HIVEP3: variants seen among roughly 807,000 people sequenced by gnomAD.
HIVEP3 encodes the protein transcription factor HIVEP3.
HIVEP3 carries 49 observed loss-of-function variants against 152.8 expected under a neutral mutation model. The ratio of observed to expected loss-of-function variants is 0.32; its 90% confidence interval spans 0.26 to 0.41. HIVEP3 has a LOEUF of 0.41. Ranked by LOEUF, HIVEP3 falls within the 10% of genes least tolerant of loss-of-function variation. The probability of loss-of-function intolerance (pLI) is 1.00; values close to 1 mark genes in which losing one functional copy is unlikely to be tolerated. For missense variants in HIVEP3, 2,790 were observed against 3,103.3 expected, an observed-to-expected ratio of 0.90 and a Z score of 2.40; for synonymous variants, 1,269 against 1,289.0, an observed-to-expected ratio of 0.98 and a Z score of 0.33.
intron 1 of HIVEP3, among the ~76,000 whole-genome samples, chr1:41,866,828 C>A (rs2124407445): frequency 6.6e-6 from 1 of 152,324 alleles, no homozygotes; most frequent in South Asian, 2.1e-4. Flanking sequence ...TGCTAAAGGT[C>A]ATTTACAGAT....
At chr1:41,814,081 C>G (rs1651120403) in intron 1 of HIVEP3, among the ~76,000 whole-genome samples, 1 of 152,206 alleles carries the variant, frequency 6.6e-6, no homozygotes, top group Admixed American at 6.5e-5. Context: ...CTTGGGCACT[C>G]TTATCTTGCT....
chr1:41,516,645 AC>A (rs966947857), intron 7 of HIVEP3, among the ~76,000 whole-genome samples: 118 of 151,940 alleles, frequency 7.8e-4, no homozygotes, highest in African/African-American at 2.6e-3. Context: ...GCTCCAGGGC[AC>A]CCCCCCATGC....
At chr1:41,576,279 C>T (rs949552237) in intron 4 of HIVEP3, among the ~76,000 whole-genome samples, 2 of 152,198 alleles carry the variant, frequency 1.3e-5, no homozygotes, top group Admixed American at 1.3e-4. Flanking sequence ...ACCAGCAGGA[C>T]GTCCCCAATT....
chr1:41,915,026 G>T (rs192001556), intron 1 of HIVEP3, among the ~76,000 whole-genome samples: 68 of 152,238 alleles, frequency 4.5e-4, no homozygotes, highest in African/African-American at 1.5e-3. Flanking sequence ...AATTTCAACA[G>T]CAGGGCTTTA....
intron 1 of HIVEP3, among the ~76,000 whole-genome samples, chr1:41,882,955 C>A (rs1318715389): frequency 1.3e-5 from 2 of 152,088 alleles, no homozygotes. Context: ...AACTGGCTTT[C>A]TGTCTAGAAA....
At chr1:42,018,351 T>G (rs1645535435) in intron 1 of HIVEP3, among the ~76,000 whole-genome samples, 1 of 151,756 alleles carries the variant, frequency 6.6e-6, no homozygotes, top group African/African-American at 2.4e-5. Flanking sequence ...TTTAAGAGCT[T>G]TATTGTCTTA....
At chr1:41,884,157 G>T (rs1644306321) in intron 1 of HIVEP3, among the ~76,000 whole-genome samples, 2 of 152,034 alleles carry the variant, frequency 1.3e-5, no homozygotes, top group South Asian at 4.1e-4. Flanking sequence ...GTAGAGATGG[G>T]GTTTCATCAC....
chr1:41,524,910 C>T lies in HIVEP3; in HGVS notation c.5208G>A (p.Gly1736=). The T allele has an allele frequency of 6.2e-7, 1 of 1,611,772 alleles. No individual in the cohort carries two copies. Residue 1736 remains glycine, a splice_region_variant and synonymous_variant, in exon 6 of 9, where the codon GGG becomes GGA. Coordinates refer to ENST00000372583, the MANE Select transcript of HIVEP3 (RefSeq NM_024503.5). ...EPARIKIFEG[G]YKSNEEYVYV... ...ATACATACTCTTCGTTTGATTTGTA[C>T]CTATGAGCAACAGGCGTCATAGTAA... is the stretch of plus-strand genomic sequence containing the variant.
intron 6 of HIVEP3, among the ~76,000 whole-genome samples, chr1:41,519,729 A>T (rs891822615): frequency 6.6e-6 from 1 of 152,202 alleles, no homozygotes; most frequent in Non-Finnish European, 1.5e-5. Context: ...AAAGTGGATA[A>T]AGGAAATATA....
At chr1:42,016,307 G>A (rs569270082) in intron 1 of HIVEP3, among the ~76,000 whole-genome samples, 9 of 152,164 alleles carry the variant, frequency 5.9e-5, no homozygotes, top group South Asian at 4.2e-4. Flanking sequence ...CCAGATAAAG[G>A]TGGACAGACA....
At chr1:41,773,362 A>G (rs1648495603) in intron 1 of HIVEP3, among the ~76,000 whole-genome samples, 1 of 152,208 alleles carries the variant, frequency 6.6e-6, no homozygotes, top group Non-Finnish European at 1.5e-5. Flanking sequence ...GTGAATAAAA[A>G]CATCACACAG....
At chr1:41,950,309 G>GCAAAA (rs201599847) in intron 1 of HIVEP3, among the ~76,000 whole-genome samples, 1,657 of 151,722 alleles carry the variant, frequency 0.011, 32 homozygotes, top group African/African-American at 0.038. Context: ...TCTTGCAACT[G>GCAAAA]CAAAACAAAA....
intron 1 of HIVEP3, among the ~76,000 whole-genome samples, chr1:41,999,584 T>C (rs1355716566): frequency 6.6e-6 from 1 of 151,860 alleles, no homozygotes; most frequent in Non-Finnish European, 1.5e-5. Flanking sequence ...ACACTACAAA[T>C]TGAGATAAAT....
chr1:41,685,162 G>A lies in HIVEP3; in HGVS notation c.-721+15754C>T, dbSNP rs575365765. Among the ~76,000 whole-genome samples the A allele has an allele frequency of 1.3e-4, 20 of 152,294 alleles. No individual in the cohort carries two copies. In the East Asian group the frequency reaches 2.1e-3, roughly 16 times the overall value. On this transcript the variant is annotated intron_variant, in intron 2 of 8. Coordinates refer to ENST00000372583, the MANE Select transcript of HIVEP3 (RefSeq NM_024503.5). ...TTCTTGGAGGAACACACAAGAGGACGGATGTGATGGTGTTTTGCAAACTGT... is the reference window on the plus strand; with the variant it reads ...TTCTTGGAGGAACACACAAGAGGACAGATGTGATGGTGTTTTGCAAACTGT...
chr1:41,540,094 C>T (rs1643491228), intron 5 of HIVEP3, among the ~76,000 whole-genome samples: 1 of 152,180 alleles, frequency 6.6e-6, no homozygotes, highest in African/African-American at 2.4e-5. Flanking sequence ...GTGGGACCTG[C>T]GGAGCTGCAG....
intron 1 of HIVEP3, among the ~76,000 whole-genome samples, chr1:41,774,359 G>A (rs1342879474): frequency 6.6e-6 from 1 of 152,214 alleles, no homozygotes; most frequent in Non-Finnish European, 1.5e-5. Context: ...GCTGACTGAT[G>A]CACTGGGAAG....
chr1:41,720,974 C>A (rs753445800), intron 1 of HIVEP3, among the ~76,000 whole-genome samples: 3 of 152,118 alleles, frequency 2.0e-5, no homozygotes, highest in Admixed American at 6.5e-5. Flanking sequence ...TCCACTTAGA[C>A]GTAGTGTCTA....
intron 2 of HIVEP3, among the ~76,000 whole-genome samples, chr1:41,635,076 G>T (rs557322104): frequency 3.9e-5 from 6 of 152,104 alleles, no homozygotes; most frequent in African/African-American, 7.2e-5. Context: ...CAAAATGCAC[G>T]AATTGTACGG....
chr1:41,923,087 G>A (rs1644949852), upstream of HIVEP3, among the ~76,000 whole-genome samples: 1 of 152,034 alleles, frequency 6.6e-6, no homozygotes, highest in Non-Finnish European at 1.5e-5. Flanking sequence ...TAAACAAAAT[G>A]GTATAGTACA....
Sources: gnomAD v4.1 joint callset for allele counts (sites outside exome capture counted in the v4.1 genomes callset) on GRCh38, gnomAD v4.1.1 for gene constraint, MANE v1.5 for transcripts, NCBI Gene and HGNC (gene_info 2026-07-23, HGNC 2026-07-21) for gene names.